Variants in DRC9 observed in about 807,000 individuals in gnomAD.
The protein encoded by DRC9 is dynein regulatory complex protein 9.
the DRC9 span, chr3:197,932,271 TG>T: frequency 6.2e-7 from 1 of 1,612,258 alleles, no homozygotes; most frequent in Non-Finnish European, 8.5e-7. Context: ...AACTCCTTAA[TG>T]GTATCTGCAA....
the DRC9 span, chr3:197,889,835 A>T: frequency 8.5e-7 from 1 of 1,182,602 alleles, no homozygotes; most frequent in Non-Finnish European, 1.2e-6. Context: ...TCTCCAGGAC[A>T]TGGAAGTAGC....
chr3:197,940,445 C>G, the DRC9 span, among the ~76,000 whole-genome samples: 1 of 152,050 alleles, frequency 6.6e-6, no homozygotes, highest in East Asian at 1.9e-4. Context: ...TCAAATCACT[C>G]TCATTTCTGG....
chr3:197,905,618 G>A, the DRC9 span, among the ~76,000 whole-genome samples: 1 of 151,766 alleles, frequency 6.6e-6, no homozygotes, highest in Admixed American at 6.6e-5. Flanking sequence ...CATGGTGGCA[G>A]GCGCCTGTAA....
the DRC9 span, among the ~76,000 whole-genome samples, chr3:197,940,125 C>G: frequency 6.6e-6 from 1 of 152,010 alleles, no homozygotes; most frequent in Non-Finnish European, 1.5e-5. Context: ...TTCCAAGTAG[C>G]TGGGATTACA....
the DRC9 span, chr3:197,889,663 T>G: frequency 6.2e-6 from 10 of 1,614,114 alleles, no homozygotes; most frequent in Non-Finnish European, 7.6e-6. Context: ...TTAGGCATCT[T>G]GAAACCACCA....
At chr3:197,927,648 A>G in the DRC9 span, among the ~76,000 whole-genome samples, 1 of 152,242 alleles carries the variant, frequency 6.6e-6, no homozygotes, top group Non-Finnish European at 1.5e-5. Flanking sequence ...AAGCTACAGA[A>G]TGAGTACTTT....
At chr3:197,921,677 TCGACCCGAC>T in the DRC9 span, among the ~76,000 whole-genome samples, 1 of 151,408 alleles carries the variant, frequency 6.6e-6, no homozygotes, top group African/African-American at 2.4e-5. Flanking sequence ...TTCATCTTGG[TCGACCCGAC>T]TACTGGTTTT....
the DRC9 span, among the ~76,000 whole-genome samples, chr3:197,939,203 A>G: frequency 6.6e-6 from 1 of 152,218 alleles, no homozygotes; most frequent in Non-Finnish European, 1.5e-5. Context: ...TGGATATTCA[A>G]TAAATGTGGC....
At chr3:197,946,341 A>C in the DRC9 span, among the ~76,000 whole-genome samples, 2 of 148,942 alleles carry the variant, frequency 1.3e-5, no homozygotes, top group East Asian at 2.0e-4. Flanking sequence ...AGGCTGAGGC[A>C]GGAGAATGGC....
chr3:197,889,528 C>CGA, the DRC9 span: 1 of 1,609,274 alleles, frequency 6.2e-7, no homozygotes, highest in Admixed American at 1.7e-5. Context: ...TAACTCTCTC[C>CGA]AAGTCCTTCC....
the DRC9 span, among the ~76,000 whole-genome samples, chr3:197,940,122 T>C: frequency 6.6e-6 from 1 of 151,958 alleles, no homozygotes; most frequent in Non-Finnish European, 1.5e-5. Flanking sequence ...GCCTTCCAAG[T>C]AGCTGGGATT....
the DRC9 span, among the ~76,000 whole-genome samples, chr3:197,893,229 T>C: frequency 5.9e-5 from 9 of 151,752 alleles, no homozygotes; most frequent in South Asian, 2.1e-4. Context: ...TGGTGGCGCA[T>C]ACCTGTAATC....
the DRC9 span, chr3:197,951,128 T>G: frequency 6.2e-7 from 1 of 1,613,940 alleles, no homozygotes; most frequent in Non-Finnish European, 8.5e-7. Flanking sequence ...TTGAAGCTTA[T>G]GTTTCATGTT....
chr3:197,916,690 C>T, the DRC9 span, among the ~76,000 whole-genome samples: 1 of 152,102 alleles, frequency 6.6e-6, no homozygotes, highest in South Asian at 2.1e-4. Context: ...GGAATCCCCT[C>T]TCTCCAGCCT....
chr3:197,893,168 A>G, the DRC9 span, among the ~76,000 whole-genome samples: 1 of 151,608 alleles, frequency 6.6e-6, no homozygotes, highest in Non-Finnish European at 1.5e-5. Flanking sequence ...GACCAGTCTG[A>G]CCAACGTGGA....
chr3:197,893,442 AG>A, the DRC9 span, among the ~76,000 whole-genome samples: 2 of 152,036 alleles, frequency 1.3e-5, no homozygotes, highest in African/African-American at 4.8e-5. Context: ...AGGAAACAAA[AG>A]GTATGTAGAA....
chr3:197,956,868 AAC>A, the DRC9 span: 1 of 152,140 alleles, frequency 6.6e-6, no homozygotes, highest in East Asian at 1.9e-4. Flanking sequence ...CTGATGCAGT[AAC>A]AGTCTTTTTG....
the DRC9 span, chr3:197,958,280 T>G: frequency 2.2e-4 from 33 of 152,302 alleles, no homozygotes; most frequent in African/African-American, 7.5e-4. Flanking sequence ...CCTCAAGTGA[T>G]CCCCCTGCCT....
chr3:197,921,907 C>T, the DRC9 span, among the ~76,000 whole-genome samples: 7 of 135,686 alleles, frequency 5.2e-5, no homozygotes, highest in Admixed American at 7.1e-5. Context: ...TTGGTTGACC[C>T]GACTACTGGT....
Sources: gnomAD v4.1 joint callset for allele counts (sites outside exome capture counted in the v4.1 genomes callset) on GRCh38, gnomAD v4.1.1 for gene constraint, MANE v1.5 for transcripts, NCBI Gene and HGNC (gene_info 2026-07-23, HGNC 2026-07-21) for gene names.